BANP: variants seen among roughly 807,000 people sequenced by gnomAD.
BANP encodes the protein protein BANP.
In BANP, 11 loss-of-function variants were observed where a neutral mutation model predicts 68.1. The observed-to-expected ratio is 0.16, with a 90% confidence interval of 0.10 to 0.27. The LOEUF is 0.27. Ranked by LOEUF, BANP falls within the 10% of genes least tolerant of loss-of-function variation. BANP has a pLI of 1.00. For synonymous variants in BANP, 329 were observed against 303.2 expected (o/e 1.09, Z -0.88); for missense variants, 504 against 722.7 (o/e 0.70, Z 3.47).
At chr16:87,983,524 C>T (rs988496749) in intron 3 of BANP, among the ~76,000 whole-genome samples, 12 of 152,118 alleles carry the variant, frequency 7.9e-5, no homozygotes, top group Non-Finnish European at 1.6e-4. Context: ...AGACGTGGAG[C>T]CCGGCTTTGC....
intron 7 of BANP, among the ~76,000 whole-genome samples, chr16:88,019,917 TGA>T (rs2075661097): frequency 6.6e-6 from 1 of 152,178 alleles, no homozygotes; most frequent in South Asian, 2.1e-4. Context: ...TGGAAGCTGC[TGA>T]GAGGTGGGTC....
chr16:87,976,515 T>G (rs1239372952), intron 2 of BANP, among the ~76,000 whole-genome samples: 1 of 149,040 alleles, frequency 6.7e-6, no homozygotes, highest in African/African-American at 2.5e-5. Context: ...TATGTTTTAT[T>G]GTTCTGTTAA....
At chr16:87,984,293 T>G in intron 4 of BANP, 34 bp downstream of exon 4, 1 of 1,529,648 alleles carries the variant, frequency 6.5e-7, no homozygotes, top group Non-Finnish European at 8.8e-7. Flanking sequence ...GGCCTTCAGG[T>G]CACTTGGGGA....
intron 7 of BANP, among the ~76,000 whole-genome samples, chr16:88,026,230 C>A (rs915826770): frequency 2.6e-5 from 4 of 152,166 alleles, no homozygotes; most frequent in Non-Finnish European, 5.9e-5. Flanking sequence ...TGGCTTTGGC[C>A]CCACAGTGAG....
intron 12 of BANP, among the ~76,000 whole-genome samples, chr16:88,065,666 G>T (rs1363367781): frequency 1.3e-5 from 2 of 152,204 alleles, no homozygotes; most frequent in East Asian, 3.9e-4. Context: ...GAAAACTGAT[G>T]GCACAAGTGG....
At chr16:87,962,112 C>T (rs1233964135) in intron 1 of BANP, among the ~76,000 whole-genome samples, 1 of 151,774 alleles carries the variant, frequency 6.6e-6, no homozygotes, top group Non-Finnish European at 1.5e-5. Flanking sequence ...CAGTGGCGTG[C>T]GCCTGTAATC....
Position 88,018,303 on chromosome 16 carries a change from C to A in BANP, c.656-125C>A, listed in dbSNP as rs1333999112. ...CTCTTGGTGACTGCCTCACAAGTTA[C>A]GAGGGATTTGCCCAGCCCTGCGTGG... is the stretch of plus-strand genomic sequence containing the variant. On this transcript the variant is annotated intron_variant, in intron 6 of 13. Transcript: ENST00000682872. This position sits in a 1 kb window ranked among gnomAD's most constrained non-coding sequence, Gnocchi z 7.7. 6 of 1,235,686 alleles carry A rather than the reference C, an allele frequency of 4.9e-6. No individual in the cohort carries two copies. The Admixed American group carries it at 6.6e-5, about 14-fold the overall frequency. 76.5% of individuals were successfully genotyped at this position (1,235,686 alleles called of 1,614,324 possible). A position where few individuals can be genotyped will look rare whatever the true frequency, so the allele number is the denominator to read the frequency against.
chr16:88,062,383 A>G lies in BANP; in HGVS notation c.1312-2884A>G, dbSNP rs562333428. On this transcript the variant is annotated intron_variant, in intron 11 of 13. Coordinates refer to ENST00000682872, the MANE Select transcript of BANP (RefSeq NM_001386991.1). ...GCATTCTCAGTAGATAGAGGAAACC[A>G]GATGTGTGTGCTCAAAATGCAGTGC... is the stretch of plus-strand genomic sequence containing the variant. Among the ~76,000 whole-genome samples the G allele has an allele frequency of 2.4e-4, 37 of 152,354 alleles. 1 individual carries two copies. Among genetic ancestry groups the G allele is most frequent in the African/African-American group, 8.9e-4 (37 of 41,582 alleles).
At chr16:88,076,230 T>C (rs2091573774) in intron 13 of BANP, among the ~76,000 whole-genome samples, 1 of 152,208 alleles carries the variant, frequency 6.6e-6, no homozygotes, top group African/African-American at 2.4e-5. Context: ...CAGGGAAATA[T>C]CTTCGGGAGG....
At chr16:88,055,336 G>A (rs1396337898) in intron 11 of BANP, among the ~76,000 whole-genome samples, 2 of 151,772 alleles carry the variant, frequency 1.3e-5, no homozygotes, top group Non-Finnish European at 2.9e-5. Flanking sequence ...CACATGACGC[G>A]TGTACATTTA....
intron 4 of BANP, among the ~76,000 whole-genome samples, chr16:87,987,675 T>TCTGC (rs1184432563): frequency 8.4e-6 from 1 of 118,556 alleles, no homozygotes; most frequent in Admixed American, 1.2e-4. Context: ...GAGCTGTGAC[T>TCTGC]CTGCCACTGC....
intron 11 of BANP, among the ~76,000 whole-genome samples, chr16:88,043,442 A>G (rs2081283420): frequency 1.3e-5 from 2 of 152,254 alleles, no homozygotes; most frequent in African/African-American, 2.4e-5. Context: ...GGTGTGAGGC[A>G]TCCGGGCAGC....
Position 87,957,554 on chromosome 16 carries a change from C to T in BANP, c.-69+6039C>T, listed in dbSNP as rs755814314. Among the ~76,000 whole-genome samples, 7 of 152,220 alleles carry T rather than the reference C, an allele frequency of 4.6e-5. No homozygotes were observed. Among genetic ancestry groups the T allele is most frequent in the South Asian group, 2.1e-4 (1 of 4,830 alleles). ...CAGGGCCCTGCGCTGACAAACCTTT[C>T]GCTAGTGACCAGTTACCTTCTGTGT... is the stretch of plus-strand genomic sequence containing the variant. On this transcript the variant is annotated intron_variant, in intron 1 of 13. Coordinates refer to ENST00000682872, the MANE Select transcript of BANP (RefSeq NM_001386991.1). The surrounding 1 kb of genome is among the most constrained non-coding windows in gnomAD (Gnocchi z 4.3).
chr16:87,988,542 G>A (rs541982866), intron 4 of BANP, among the ~76,000 whole-genome samples: 1 of 152,138 alleles, frequency 6.6e-6, no homozygotes, highest in South Asian at 2.1e-4. Context: ...TGGGATTACG[G>A]GTGTGAGCCA....
chr16:88,001,139 C>T lies in BANP; in HGVS notation c.363-3156C>T, dbSNP rs367693017. Among the ~76,000 whole-genome samples, 110 of 67,810 alleles carry T rather than the reference C, an allele frequency of 1.6e-3. 16 individuals carry two copies. The highest frequency in any genetic ancestry group is 0.011 in the East Asian group (7 of 628). 44.5% of individuals were successfully genotyped at this position (67,810 alleles called of 152,430 possible). ...ACACGTCTCCATGCACGCACGTGCG[C>T]GGCTGTACTTACCTGTCCTTCCAGA... On this transcript the variant is annotated intron_variant, in intron 4 of 13. Coordinates refer to ENST00000682872, the MANE Select transcript of BANP (RefSeq NM_001386991.1).
At chr16:87,958,073 A>G (rs1407525729) in intron 1 of BANP, among the ~76,000 whole-genome samples, 6 of 152,204 alleles carry the variant, frequency 3.9e-5, no homozygotes, top group Admixed American at 2.0e-4. Flanking sequence ...TGTGACTGTC[A>G]GTGGGCAAAC....
chr16:88,074,162 C>T (rs936774763), intron 13 of BANP, among the ~76,000 whole-genome samples: 2 of 152,218 alleles, frequency 1.3e-5, no homozygotes, highest in East Asian at 3.9e-4. Context: ...GGCGTGACTG[C>T]ACCCAACAGA....
rs181060468 is a variant in BANP, at chr16:88,004,044, C to T, written c.363-251C>T. 1 of 445,488 alleles carries T rather than the reference C, an allele frequency of 2.2e-6. No individual in the cohort carries two copies. Among genetic ancestry groups the T allele is most frequent in the Non-Finnish European group, 4.2e-6 (1 of 240,868 alleles). 27.6% of individuals were successfully genotyped at this position (445,488 alleles called of 1,614,324 possible). A position where few individuals can be genotyped will look rare whatever the true frequency, so the allele number is the denominator to read the frequency against. ...GTCCTGTGCTATCCAGTTGTGCAGA[C>T]AGATCACCAACAATTAGGAAAAGTT... On this transcript the variant is annotated intron_variant, in intron 4 of 13. Transcript: ENST00000682872. The surrounding 1 kb of genome is among the most constrained non-coding windows in gnomAD (Gnocchi z 7.0).
chr16:88,034,694 T>A (rs2078930978), intron 9 of BANP, among the ~76,000 whole-genome samples: 1 of 152,242 alleles, frequency 6.6e-6, no homozygotes, highest in South Asian at 2.1e-4. Flanking sequence ...CCCTCTTTTC[T>A]GTGTGTCATG....
Sources: gnomAD v4.1 joint callset for allele counts (sites outside exome capture counted in the v4.1 genomes callset) on GRCh38, gnomAD v4.1.1 for gene constraint, Gnocchi (gnomAD v3.1) non-coding constraint, MANE v1.5 for transcripts, NCBI Gene and HGNC (gene_info 2026-07-23, HGNC 2026-07-21) for gene names.